ARID4B: variants seen among roughly 807,000 people sequenced by gnomAD.
ARID4B encodes the protein AT-rich interaction domain 4B.
In ARID4B, 26 loss-of-function variants were observed where a neutral mutation model predicts 147.5. The ratio of observed to expected loss-of-function variants is 0.18; its 90% CI spans 0.13 to 0.24. ARID4B has a LOEUF of 0.24. Among genes scored for constraint, ARID4B ranks in the 10% least tolerant of loss-of-function variants. ARID4B has a pLI of 1.00. For missense variants in ARID4B, 1,179 were observed against 1,511.5 expected, an observed-to-expected ratio of 0.78 and a Z score of 3.65; for synonymous variants, 512 against 507.9, an observed-to-expected ratio of 1.01 and a Z score of -0.11.
chr1:235,294,311 A>AT (rs5781824), intron 2 of ARID4B, among the ~76,000 whole-genome samples: 22,081 of 114,012 alleles, frequency 0.19, 3,041 homozygotes, highest in African/African-American at 0.37. Flanking sequence ...AACCAGCAGC[A>AT]TTTTTTTTTT....
At chr1:235,308,685 C>T (rs958410672) in intron 2 of ARID4B, among the ~76,000 whole-genome samples, 6 of 152,156 alleles carry the variant, frequency 3.9e-5, no homozygotes, top group Non-Finnish European at 8.8e-5. Flanking sequence ...CTGTGTTGGC[C>T]GGGCTGGTCT....
At chr1:235,181,510 G>T in intron 20 of ARID4B, 75 bp downstream of exon 20, 1 of 1,516,588 alleles carries the variant, frequency 6.6e-7, no homozygotes. Flanking sequence ...GTTATAACAA[G>T]AGATACTGTG....
intron 2 of ARID4B, among the ~76,000 whole-genome samples, chr1:235,303,483 AGG>A: frequency 6.6e-6 from 1 of 151,738 alleles, no homozygotes; most frequent in Non-Finnish European, 1.5e-5. Flanking sequence ...CAGCACTTTG[AGG>A]GGCCAAGGCA....
At chr1:235,308,643 T>C (rs1673764782) in intron 2 of ARID4B, among the ~76,000 whole-genome samples, 1 of 151,958 alleles carries the variant, frequency 6.6e-6, no homozygotes, top group Non-Finnish European at 1.5e-5. Flanking sequence ...CCTGACTGGT[T>C]TTTGTATTTT....
intron 2 of ARID4B, among the ~76,000 whole-genome samples, chr1:235,304,437 T>C (rs2103257189): frequency 6.6e-6 from 1 of 152,282 alleles, no homozygotes; most frequent in East Asian, 1.9e-4. Context: ...GATTTAAAAG[T>C]GCAATTACTC....
chr1:235,182,293 T>C lies in ARID4B; in HGVS notation c.2626A>G (p.Thr876Ala). ...EEETKAKMTPTKKYNGLEEKR... is the reference protein window; with the variant it reads ...EEETKAKMTPAKKYNGLEEKR... ...TCCTCCAAACCATTGTATTTCTTAG[T>C]TGGTGTCATCTTTGCTTTTGTTTCT... The change falls in exon 20 of 24, where the codon ACT becomes GCT. Residue 876 changes from threonine to alanine, a missense_variant. Thr to Ala is a moderately conservative substitution (Grantham distance 58, BLOSUM62 0). Transcript: ENST00000264183. 1.2e-6 allele frequency: 2 copies of C among 1,613,966 alleles called. No homozygotes were observed. The highest frequency in any genetic ancestry group is 1.3e-5 in the African/African-American group (1 of 75,028).
intron 2 of ARID4B, among the ~76,000 whole-genome samples, chr1:235,288,131 G>A (rs950634388): frequency 9.2e-5 from 14 of 152,134 alleles, no homozygotes; most frequent in Non-Finnish European, 1.3e-4. Flanking sequence ...CCAACATGGC[G>A]AAACCCCTTC....
Position 235,216,332 on chromosome 1 carries a change from C to CACACATAT in ARID4B, c.1584-2307_1584-2306insATATGTGT, listed in dbSNP as rs147460230. Among the ~76,000 whole-genome samples the CACACATAT allele has an allele frequency of 6.1e-3, 927 of 151,136 alleles. 2 individuals are homozygous for CACACATAT. The highest frequency in any genetic ancestry group is 0.01 in the Middle Eastern group (3 of 288). On this transcript the variant is annotated intron_variant, in intron 16 of 23. Transcript: ENST00000264183. Reference sequence around the variant, plus strand: ...GTATACACACACACACACACACACACATATATACGTGTATATATATATACT... The same window carrying CACACATAT: ...GTATACACACACACACACACACACACACACATATATATATACGTGTATATATATATACT...
At chr1:235,183,774 C>T (rs77773671) in intron 19 of ARID4B, among the ~76,000 whole-genome samples, 35 of 41,714 alleles carry the variant, frequency 8.4e-4, no homozygotes, top group Admixed American at 7.5e-3. Context: ...TTTCTCTTTC[C>T]TTTCTCTTTC....
chr1:235,225,805 TTTTAA>T (rs1667791893), intron 11 of ARID4B, among the ~76,000 whole-genome samples: 1 of 152,240 alleles, frequency 6.6e-6, no homozygotes, highest in South Asian at 2.1e-4. Context: ...GAGATTGTCT[TTTTAA>T]TTTAAAAGCT....
chr1:235,273,830 G>A (rs989909244), intron 2 of ARID4B, among the ~76,000 whole-genome samples: 2 of 152,128 alleles, frequency 1.3e-5, no homozygotes, highest in Non-Finnish European at 2.9e-5. Flanking sequence ...ACAGTGTAAC[G>A]AATCAATTCT....
At chr1:235,240,244 T>G (rs1011276825) in intron 8 of ARID4B, 69 bp downstream of exon 8, 15 of 1,372,506 alleles carry the variant, frequency 1.1e-5, no homozygotes, top group Non-Finnish European at 1.4e-5. Context: ...AAAACATTAG[T>G]AAGAAAATTG....
At chr1:235,232,076 G>A (rs923375906) in intron 9 of ARID4B, among the ~76,000 whole-genome samples, 1 of 152,054 alleles carries the variant, frequency 6.6e-6, no homozygotes, top group Non-Finnish European at 1.5e-5. Flanking sequence ...AGCTATGATC[G>A]TGCCACTGCA....
intron 11 of ARID4B, among the ~76,000 whole-genome samples, chr1:235,225,224 T>C (rs186895666): frequency 6.6e-6 from 1 of 152,328 alleles, no homozygotes; most frequent in Admixed American, 6.5e-5. Context: ...ATGGGTCCCA[T>C]TAGCTGACTG....
chr1:235,280,955 A>G (rs1338101530), intron 2 of ARID4B, among the ~76,000 whole-genome samples: 2 of 152,086 alleles, frequency 1.3e-5, no homozygotes, highest in Non-Finnish European at 2.9e-5. Context: ...ATAAAAACGA[A>G]AAAAAAAGAG....
At chr1:235,214,077 T>G in intron 16 of ARID4B, 51 bp from the exon 17 acceptor site, 1 of 1,550,254 alleles carries the variant, frequency 6.5e-7, no homozygotes, top group Non-Finnish European at 8.7e-7. Context: ...TTCATAAGTT[T>G]TTCAGTTCCA....
chr1:235,221,191 C>T (rs957319388), intron 14 of ARID4B, among the ~76,000 whole-genome samples: 2 of 152,226 alleles, frequency 1.3e-5, no homozygotes, highest in African/African-American at 4.8e-5. Context: ...AGCCACCGTG[C>T]CTGGCCAAGC....
intron 4 of ARID4B, 143 bp from the exon 5 acceptor site, chr1:235,255,893 C>T (rs1669951527): frequency 1.2e-5 from 7 of 574,148 alleles, no homozygotes; most frequent in South Asian, 7.2e-5. Flanking sequence ...CAGCAGTTGG[C>T]GTGAGCACAG....
At chr1:235,250,094 G>A (rs139920648) in intron 6 of ARID4B, among the ~76,000 whole-genome samples, 2,614 of 151,956 alleles carry the variant, frequency 0.017, 26 homozygotes, top group Middle Eastern at 0.041. Context: ...GCAACAGAGC[G>A]AGACTCCGTC....
Sources: gnomAD v4.1 joint callset for allele counts (sites outside exome capture counted in the v4.1 genomes callset) on GRCh38, gnomAD v4.1.1 for gene constraint, MANE v1.5 for transcripts, NCBI Gene and HGNC (gene_info 2026-07-23, HGNC 2026-07-21) for gene names.